Variants in ANKRD44 observed in about 807,000 individuals in gnomAD.
ANKRD44 encodes the protein ankyrin repeat domain 44, also known as serine/threonine-protein phosphatase 6 regulatory ankyrin repeat subunit B.
Under a neutral mutation model 116.0 loss-of-function variants are expected in ANKRD44, and 35 were observed. That is an observed-to-expected ratio of 0.30 (90% CI 0.23 to 0.40). The LOEUF (loss-of-function observed/expected upper bound fraction) is 0.40, where lower values mean the gene tolerates loss of function less well. Among genes scored for constraint, ANKRD44 ranks in the 10% least tolerant of loss-of-function variants. ANKRD44 has a pLI of 1.00. For synonymous variants in ANKRD44, 435 were observed against 461.8 expected (o/e 0.94, Z 0.74); for missense variants, 1,014 against 1,242.6 (o/e 0.82, Z 2.77).
chr2:197,214,577 C>G (rs938674793), intron 1 of ANKRD44, among the ~76,000 whole-genome samples: 1 of 152,178 alleles, frequency 6.6e-6, no homozygotes, highest in Admixed American at 6.5e-5. Flanking sequence ...AAGTTATTTT[C>G]TCCTTTTTTC....
chr2:196,989,696 A>G, intron 27 of ANKRD44, 47 bp from the exon 28 acceptor site: 8 of 1,547,114 alleles, frequency 5.2e-6, no homozygotes, highest in Non-Finnish European at 7.0e-6. Flanking sequence ...TGATTTCATC[A>G]TCAAGCAACT....
chr2:197,136,752 G>T, intron 3 of ANKRD44, 90 bp from the exon 4 acceptor site: 1 of 1,102,020 alleles, frequency 9.1e-7, no homozygotes. Flanking sequence ...GCTCCCATTT[G>T]CCTGACATAA....
intron 1 of ANKRD44, among the ~76,000 whole-genome samples, chr2:197,244,779 A>T (rs1295698596): frequency 6.6e-6 from 1 of 152,182 alleles, no homozygotes; most frequent in African/African-American, 2.4e-5. Context: ...TTTTCTGTTT[A>T]GCTATGTATC....
At chr2:197,100,365 G>A in intron 9 of ANKRD44, among the ~76,000 whole-genome samples, 1 of 152,116 alleles carries the variant, frequency 6.6e-6, no homozygotes, top group Admixed American at 6.5e-5. Context: ...GACCTGGGAG[G>A]CAGAGATTGC....
chr2:197,243,289 G>T (rs561335930), intron 1 of ANKRD44, among the ~76,000 whole-genome samples: 5 of 152,070 alleles, frequency 3.3e-5, no homozygotes, highest in African/African-American at 4.8e-5. Context: ...CCAGCCAACA[G>T]CAGGAAGAAA....
chr2:197,113,361 C>T (rs933654451), intron 8 of ANKRD44, among the ~76,000 whole-genome samples: 1 of 152,132 alleles, frequency 6.6e-6, no homozygotes, highest in Non-Finnish European at 1.5e-5. Context: ...ATAACTAAGG[C>T]GAGAGAAGGC....
chr2:197,290,971 G>T (rs556740701), intron 1 of ANKRD44, among the ~76,000 whole-genome samples: 1 of 152,202 alleles, frequency 6.6e-6, no homozygotes, highest in Non-Finnish European at 1.5e-5. Flanking sequence ...CACTTTGGGA[G>T]GCCAAGGAGG....
chr2:197,268,990 A>T (rs2082815648), intron 1 of ANKRD44, among the ~76,000 whole-genome samples: 2 of 152,198 alleles, frequency 1.3e-5, no homozygotes, highest in South Asian at 2.1e-4. Context: ...TTGGGGAAAA[A>T]TATGACTCAG....
At chr2:197,279,516 T>C (rs1290860746) in intron 1 of ANKRD44, among the ~76,000 whole-genome samples, 2 of 152,082 alleles carry the variant, frequency 1.3e-5, no homozygotes, top group African/African-American at 2.4e-5. Context: ...GCACTGTCCA[T>C]TCTCTCCCAT....
chr2:197,239,956 G>A (rs2082055478), intron 1 of ANKRD44, among the ~76,000 whole-genome samples: 1 of 152,068 alleles, frequency 6.6e-6, no homozygotes, highest in Non-Finnish European at 1.5e-5. Context: ...GCATTTTTCT[G>A]CAAATCTCTC....
At chr2:197,079,575 T>C (rs2077747486) in intron 15 of ANKRD44, among the ~76,000 whole-genome samples, 1 of 152,198 alleles carries the variant, frequency 6.6e-6, no homozygotes, top group Non-Finnish European at 1.5e-5. Flanking sequence ...TAAGTTCTGC[T>C]CAGGGCCTAC....
At chr2:197,158,878 C>T (rs2125486805) in intron 2 of ANKRD44, among the ~76,000 whole-genome samples, 1 of 152,272 alleles carries the variant, frequency 6.6e-6, no homozygotes, top group Middle Eastern at 3.4e-3. Context: ...GGGTCCCTGC[C>T]TTTATGACGC....
At chr2:197,062,061 G>A (rs1328623193) in intron 16 of ANKRD44, among the ~76,000 whole-genome samples, 5 of 152,174 alleles carry the variant, frequency 3.3e-5, no homozygotes, top group East Asian at 1.9e-4. Context: ...GATTATAGGC[G>A]TGAGCCACCA....
chr2:197,122,569 G>A (rs2125327497), intron 7 of ANKRD44, 81 bp downstream of exon 7: 1 of 1,511,850 alleles, frequency 6.6e-7, no homozygotes, highest in Non-Finnish European at 8.9e-7. Context: ...TTGAATTAAA[G>A]TGCAAACAGG....
chr2:197,187,106 G>A lies in ANKRD44; in HGVS notation c.28C>T (p.Pro10Ser), dbSNP rs1231874877. 1 of 1,613,900 alleles carries A rather than the reference G, an allele frequency of 6.2e-7. No individual in the cohort carries two copies. Among genetic ancestry groups the A allele is most frequent in the African/African-American group, 1.3e-5 (1 of 74,916 alleles). MAVLKLTDQ[P>S]PLVQAIFSGD... ...CTGAAGATTGCCTGAACCAATGGTG[G>A]CTGCAAACACAAGAGAATGGGAATC... The change falls in exon 2 of 28, where the codon CCA becomes TCA. Residue 10 changes from proline to serine, a missense_variant and splice_region_variant. By Grantham distance (74) the Pro-to-Ser change is moderately conservative (BLOSUM62 -1). Transcript: ENST00000282272.
Position 196,989,622 on chromosome 2 carries a change from G to A in ANKRD44, c.2951C>T (p.Thr984Ile). Residue 984 changes from threonine to isoleucine, a missense_variant, in exon 28 of 28, where the codon ACA (threonine) becomes ATA (isoleucine). Transcript: ENST00000282272. Reference sequence around the variant, plus strand: ...TTCTTTTTGTACAGCGGTTCCAGGTGTGGAACGGGGTCCATTTGACCTAGA... The same window carrying A: ...TTCTTTTTGTACAGCGGTTCCAGGTATGGAACGGGGTCCATTTGACCTAGA... Reference protein sequence around the residue: ...NASRSNGPRSTPGTAVQKEE With the variant: ...NASRSNGPRSIPGTAVQKEE 1 of 1,550,356 alleles carries A rather than the reference G, an allele frequency of 6.5e-7. No individual in the cohort carries two copies. Among genetic ancestry groups the A allele is most frequent in the Non-Finnish European group, 8.7e-7 (1 of 1,146,836 alleles).
At chr2:197,194,546 G>A (rs1019455030) in intron 1 of ANKRD44, among the ~76,000 whole-genome samples, 17 of 152,142 alleles carry the variant, frequency 1.1e-4, no homozygotes, top group South Asian at 6.2e-4. Flanking sequence ...CCTGATTCTC[G>A]CAGCTTGGTA....
At chr2:197,106,457 A>G (rs1463810798) in intron 9 of ANKRD44, among the ~76,000 whole-genome samples, 1 of 151,488 alleles carries the variant, frequency 6.6e-6, no homozygotes, top group Non-Finnish European at 1.5e-5. Context: ...AAAAAGAAAG[A>G]TAATTATTGT....
intron 21 of ANKRD44, among the ~76,000 whole-genome samples, chr2:197,004,999 T>C (rs2076177153): frequency 6.6e-6 from 1 of 152,106 alleles, no homozygotes; most frequent in East Asian, 1.9e-4. Flanking sequence ...CAACAAAAAA[T>C]TATAGAATGG....
Sources: allele counts gnomAD v4.1 joint callset (sites outside exome capture counted in the v4.1 genomes callset), GRCh38; gene constraint gnomAD v4.1.1; transcripts MANE v1.5; gene names NCBI Gene and HGNC (gene_info 2026-07-23, HGNC 2026-07-21).